Variants in RAB3GAP1 observed in about 807,000 individuals in gnomAD.
The protein encoded by RAB3GAP1 is RAB3 GTPase activating protein catalytic subunit 1, also known as rab3 GTPase-activating protein catalytic subunit.
RAB3GAP1 carries 86 observed loss-of-function variants against 130.7 expected under a neutral mutation model. The ratio of observed to expected loss-of-function variants is 0.66; its 90% confidence interval spans 0.55 to 0.79. The LOEUF (loss-of-function observed/expected upper bound fraction) is 0.79. RAB3GAP1 is among the 30% of genes least tolerant of loss of function. The pLI is 0.00. For synonymous variants in RAB3GAP1, 367 were observed against 401.7 expected (o/e 0.91, Z 1.03); for missense variants, 1,029 against 1,169.4 (o/e 0.88, Z 1.75).
chr2:135,126,230 G>A lies in RAB3GAP1; in HGVS notation c.880G>A (p.Val294Met), dbSNP rs377322603. The change falls in exon 10 of 24, where the codon GTG (valine) becomes ATG (methionine). Residue 294 changes from valine (V) to methionine (M), a missense_variant. Val to Met is a conservative substitution (Grantham distance 21). Coordinates refer to ENST00000264158, the MANE Select transcript of RAB3GAP1 (RefSeq NM_012233.3). ...GCCTCATCTGACCGAAGGGATCATTGTGGATAATGATGTTTATTCGTAAGT... is the reference window on the plus strand; with the variant it reads ...GCCTCATCTGACCGAAGGGATCATTATGGATAATGATGTTTATTCGTAAGT... Reference protein sequence around the residue: ...TWPHLTEGIIVDNDVYSDLDP... With the variant: ...TWPHLTEGIIMDNDVYSDLDP... 6.2e-6 allele frequency: 10 copies of A among 1,612,540 alleles called. No homozygotes were observed. The highest frequency in any genetic ancestry group is 2.2e-5 in the South Asian group (2 of 91,002).
In RAB3GAP1 at chr2:135,113,262, C is replaced by T. The variant is rs180819794; in HGVS notation, c.474C>T (p.Asn158=). The stretch of plus-strand genomic sequence containing the variant: ...GTTCTGTTTCTATTGCCTTGGGAAA[C>T]ACTGGCTGGTGAGTGGACATTTTTT... ...LLSSVSIALG[N]TGCQVPLFVQ... is the part of the protein sequence containing the mutation. The change falls in exon 6 of 24, where the codon AAC becomes AAT. Residue 158 remains asparagine (N), a synonymous_variant. Coordinates refer to ENST00000264158, the MANE Select transcript of RAB3GAP1 (RefSeq NM_012233.3). The T allele has an allele frequency of 2.2e-5, 35 of 1,614,144 alleles. 1 individual carries two copies.
intron 3 of RAB3GAP1, among the ~76,000 whole-genome samples, chr2:135,062,438 C>T (rs1212856280): frequency 6.6e-6 from 1 of 152,240 alleles, no homozygotes; most frequent in East Asian, 1.9e-4. Flanking sequence ...AGCTGAGAAC[C>T]ATTGAATGGA....
At chr2:135,174,068 G>A (rs1447215206), downstream of RAB3GAP1, among the ~76,000 whole-genome samples, 1 of 152,176 alleles carries the variant, frequency 6.6e-6, no homozygotes, top group Non-Finnish European at 1.5e-5. Flanking sequence ...ACAAACTCAA[G>A]CTACTTCATC....
At chr2:135,080,722 G>A (rs753064059) in intron 3 of RAB3GAP1, among the ~76,000 whole-genome samples, 3 of 152,194 alleles carry the variant, frequency 2.0e-5, no homozygotes, top group Non-Finnish European at 4.4e-5. Flanking sequence ...TTAGGTAGTT[G>A]AATGTTCTCT....
intron 2 of RAB3GAP1, among the ~76,000 whole-genome samples, chr2:135,056,153 C>T (rs1174884965): frequency 6.7e-6 from 1 of 150,214 alleles, no homozygotes; most frequent in Non-Finnish European, 1.5e-5. Context: ...TTCCTTCTAA[C>T]GTGTGTTAAA....
intron 5 of RAB3GAP1, among the ~76,000 whole-genome samples, chr2:135,100,770 T>G (rs1390301938): frequency 6.6e-6 from 1 of 152,246 alleles, no homozygotes; most frequent in Admixed American, 6.5e-5. Context: ...ACTGCCTTAG[T>G]AATCTATGGG....
At chr2:135,164,953 T>C (rs759660231) in intron 23 of RAB3GAP1, among the ~76,000 whole-genome samples, 4 of 152,218 alleles carry the variant, frequency 2.6e-5, no homozygotes, top group Non-Finnish European at 4.4e-5. Context: ...TCCATTGTTA[T>C]AGAAGCTGGC....
chr2:135,176,176 A>G (rs959960157), intron 24 of RAB3GAP1: 4 of 152,204 alleles, frequency 2.6e-5, no homozygotes, highest in Admixed American at 1.3e-4. Flanking sequence ...ATATTGCTCT[A>G]TAAGATAGAC....
chr2:135,073,608 G>A (rs1689540869), intron 3 of RAB3GAP1, among the ~76,000 whole-genome samples: 1 of 152,170 alleles, frequency 6.6e-6, no homozygotes. Flanking sequence ...GCAGTTACCT[G>A]GAGGAGGCTG....
At position 135,154,002 on chromosome 2, in the gene RAB3GAP1, G is replaced by A. The variant is rs183691548; in HGVS notation, c.2289+126G>A. 67 of 863,674 alleles carry A rather than the reference G, an allele frequency of 7.8e-5. 1 individual carries two copies. In the Admixed American group the frequency reaches 7.8e-4, roughly 10 times the overall value. 53.5% of individuals were successfully genotyped at this position (863,674 alleles called of 1,614,324 possible). A position where few individuals can be genotyped will look rare whatever the true frequency, so the allele number is the denominator to read the frequency against. On this transcript the variant is annotated intron_variant, in intron 19 of 23. Transcript: ENST00000264158. The stretch of plus-strand genomic sequence containing the variant: ...TGCAAAGCATTGAAATTCAATGAGC[G>A]TTTTATATATCTACTATTCACATTT...
At chr2:135,110,778 G>A (rs1338307974) in intron 5 of RAB3GAP1, among the ~76,000 whole-genome samples, 1 of 152,106 alleles carries the variant, frequency 6.6e-6, no homozygotes, top group Non-Finnish European at 1.5e-5. Context: ...TGATCAATAG[G>A]GGATTGTACT....
chr2:135,076,543 G>A (rs1689640419), intron 3 of RAB3GAP1, among the ~76,000 whole-genome samples: 3 of 152,126 alleles, frequency 2.0e-5, no homozygotes, highest in Admixed American at 2.0e-4. Context: ...TCATTGGATT[G>A]CACAAGGGCT....
chr2:135,108,230 T>C (rs540207221), intron 5 of RAB3GAP1, among the ~76,000 whole-genome samples: 2 of 152,244 alleles, frequency 1.3e-5, no homozygotes, highest in South Asian at 2.1e-4. Context: ...AGTATACATA[T>C]GCAATCTGTT....
chr2:135,068,596 T>C (rs779757134), intron 3 of RAB3GAP1, among the ~76,000 whole-genome samples: 2 of 151,988 alleles, frequency 1.3e-5, no homozygotes, highest in Non-Finnish European at 2.9e-5. Context: ...CTACTAAAAA[T>C]ACAAAAATTA....
chr2:135,155,617 T>TA (rs914081089), intron 19 of RAB3GAP1, among the ~76,000 whole-genome samples: 1 of 152,136 alleles, frequency 6.6e-6, no homozygotes, highest in African/African-American at 2.4e-5. Flanking sequence ...AACTTTCTAT[T>TA]AAACAATATG....
In RAB3GAP1 at chr2:135,168,971, G is replaced by A. The variant is rs1692756732; in HGVS notation, c.*190G>A. ...TGTGTCGTTTCGTGGAGGGGGCAGC[G>A]AGGATGGGCTTGAGCTGTTGAGAGA... On this transcript the variant is annotated 3_prime_UTR_variant, in exon 24 of 24. Coordinates refer to ENST00000264158, the MANE Select transcript of RAB3GAP1 (RefSeq NM_012233.3). 2 of 593,446 alleles carry A rather than the reference G, an allele frequency of 3.4e-6. No homozygotes were observed. Among genetic ancestry groups the A allele is most frequent in the Admixed American group, 2.3e-5 (1 of 43,310 alleles). 36.8% of individuals were successfully genotyped at this position (593,446 alleles called of 1,614,324 possible).
At chr2:135,083,125 A>G (rs1004139712) in intron 3 of RAB3GAP1, among the ~76,000 whole-genome samples, 11 of 151,718 alleles carry the variant, frequency 7.3e-5, no homozygotes, top group Non-Finnish European at 1.3e-4. Flanking sequence ...GGTTGAATCT[A>G]AGGATGTGGA....
In RAB3GAP1 at chr2:135,168,627, T is replaced by TC; in HGVS notation, c.2795dup (p.Pro933ThrfsTer37). ...AGAAGGCAGAACTCCGTGTCAGACT[T>TC]CCCACCCCCTGCTGGCCGGGAATTC... On this transcript the variant is annotated frameshift_variant, in exon 24 of 24. Transcript: ENST00000264158. LOFTEE classifies it high-confidence loss of function. 6.2e-7 allele frequency: 1 copy of TC among 1,614,160 alleles called. No homozygotes were observed. Among genetic ancestry groups the TC allele is most frequent in the Non-Finnish European group, 8.5e-7 (1 of 1,180,026 alleles).
At chr2:135,134,105 T>A in intron 15 of RAB3GAP1, 72 bp downstream of exon 15, 3 of 1,566,474 alleles carry the variant, frequency 1.9e-6, no homozygotes, top group Non-Finnish European at 2.6e-6. Flanking sequence ...TTGACCTATT[T>A]TTTCCCCCTT....
Sources: allele counts gnomAD v4.1 joint callset (sites outside exome capture counted in the v4.1 genomes callset), GRCh38; gene constraint gnomAD v4.1.1; transcripts MANE v1.5; gene names NCBI Gene and HGNC (gene_info 2026-07-23, HGNC 2026-07-21).